The following PXDNL variants were observed in gnomAD, a reference collection of about 807,000 sequenced individuals.
The protein encoded by PXDNL is peroxidasin like.
Under a neutral mutation model 150.8 loss-of-function variants are expected in PXDNL, and 145 were observed. The observed-to-expected ratio is 0.96, with a 90% CI of 0.84 to 1.10. The LOEUF is 1.10. Among genes scored for constraint, PXDNL ranks in the 50% least tolerant of loss-of-function variants. The pLI is 0.00. For synonymous variants in PXDNL, 757 were observed against 725.7 expected (o/e 1.04, Z -0.69); for missense variants, 2,087 against 1,873.9 (o/e 1.11, Z -2.10).
chr8:51,479,991 A>G, intron 6 of PXDNL, among the ~76,000 whole-genome samples: 1 of 152,206 alleles, frequency 6.6e-6, no homozygotes, highest in East Asian at 1.9e-4. Context: ...AGAATTACCA[A>G]GAAAGAAGGA....
Position 51,402,103 on chromosome 8 carries a change from G to A in PXDNL, c.3557+5964C>T, listed in dbSNP as rs186954848. 3.1e-4 allele frequency among the ~76,000 whole-genome samples: 47 copies of A among 152,324 alleles called. No homozygotes were observed. In the East Asian group the frequency reaches 8.1e-3, roughly 26 times the overall value. On this transcript the variant is annotated intron_variant, in intron 17 of 22. Coordinates refer to ENST00000356297, the MANE Select transcript of PXDNL (RefSeq NM_144651.5). ...CGGTTTGATCTCCTGAAACCCAAGA[G>A]TAGAAAGAGGAAAGAAATTAAGAAT...
chr8:51,682,951 G>C (rs4873200), intron 1 of PXDNL, among the ~76,000 whole-genome samples: 127,434 of 151,494 alleles, frequency 0.84, 53,890 homozygotes, highest in African/African-American at 0.93. Context: ...ATTAAGGAAC[G>C]ACCAGAGCGC....
Position 51,409,329 on chromosome 8 carries a change from G to C in PXDNL, c.2295C>G (p.Arg765=). 2 of 1,443,918 alleles carry C rather than the reference G, an allele frequency of 1.4e-6. No individual in the cohort carries two copies. The highest frequency in any genetic ancestry group is 1.8e-6 in the Non-Finnish European group (2 of 1,104,654). The allele number at this position is 1,443,918 out of a possible 1,614,324, so 89.4% of individuals were successfully genotyped here. A position where few individuals can be genotyped will look rare whatever the true frequency, so the allele number is the denominator to read the frequency against. Residue 765 remains arginine, a synonymous_variant, in exon 17 of 23, where the codon CGC becomes CGG. Coordinates refer to ENST00000356297, the MANE Select transcript of PXDNL (RefSeq NM_144651.5). ...GGGAGCCCACAGGAAGGCCGAGCCC[G>C]CGGGGCGCGCGGATGCCGTCCCGGT... is the stretch of plus-strand genomic sequence containing the variant. ...PAYRDGIRAP[R]GLGLPVGSRQ... is the part of the protein sequence containing the mutation.
chr8:51,579,390 C>T (rs559469359), intron 3 of PXDNL, among the ~76,000 whole-genome samples: 1 of 152,058 alleles, frequency 6.6e-6, no homozygotes, highest in Admixed American at 6.6e-5. Context: ...ACTAGAACTG[C>T]AATGAGATAT....
At chr8:51,693,907 G>A (rs1220371290) in intron 1 of PXDNL, among the ~76,000 whole-genome samples, 1 of 152,202 alleles carries the variant, frequency 6.6e-6, no homozygotes, top group African/African-American at 2.4e-5. Context: ...AGCATATGTT[G>A]TTTTGAGGAA....
At chr8:51,764,965 C>G (rs1053492572) in intron 1 of PXDNL, among the ~76,000 whole-genome samples, 1 of 152,014 alleles carries the variant, frequency 6.6e-6, no homozygotes, top group Non-Finnish European at 1.5e-5. Flanking sequence ...TGTTTTGGGG[C>G]TCTGTTATTG....
intron 4 of PXDNL, among the ~76,000 whole-genome samples, chr8:51,539,021 T>G (rs1422225703): frequency 6.6e-6 from 1 of 152,208 alleles, no homozygotes; most frequent in Non-Finnish European, 1.5e-5. Flanking sequence ...GTTGAAATCG[T>G]GTAAGCAGAC....
At chr8:51,602,815 G>A (rs561681465) in intron 2 of PXDNL, among the ~76,000 whole-genome samples, 6 of 150,828 alleles carry the variant, frequency 4.0e-5, no homozygotes, top group Non-Finnish European at 5.9e-5. Flanking sequence ...TCTACTTTTA[G>A]CTTTCTTTAT....
intron 1 of PXDNL, among the ~76,000 whole-genome samples, chr8:51,744,603 G>A (rs910004211): frequency 8.1e-5 from 11 of 135,210 alleles, no homozygotes; most frequent in African/African-American, 2.9e-4. Context: ...ATGAACCTGG[G>A]AGGTGGAGCT....
At chr8:51,343,369 C>T (rs951091573) in intron 20 of PXDNL, among the ~76,000 whole-genome samples, 2 of 152,144 alleles carry the variant, frequency 1.3e-5, no homozygotes, top group African/African-American at 4.8e-5. Context: ...ATTACTAAAG[C>T]GTGTGTTGTT....
intron 17 of PXDNL, among the ~76,000 whole-genome samples, chr8:51,394,676 G>A (rs562323866): frequency 8.5e-5 from 13 of 152,086 alleles, no homozygotes; most frequent in Admixed American, 1.3e-4. Flanking sequence ...TAAGAACAAC[G>A]GCCAGCCTGC....
intron 2 of PXDNL, among the ~76,000 whole-genome samples, chr8:51,599,114 G>A (rs1175466591): frequency 6.6e-6 from 1 of 151,946 alleles, no homozygotes; most frequent in Non-Finnish European, 1.5e-5. Context: ...TGCTAATTTG[G>A]ATCTTCTCTT....
intron 2 of PXDNL, among the ~76,000 whole-genome samples, chr8:51,627,461 C>G (rs1326683788): frequency 6.6e-6 from 1 of 152,108 alleles, no homozygotes; most frequent in Non-Finnish European, 1.5e-5. Flanking sequence ...TTATGCACTA[C>G]TAGACAATAT....
At chr8:51,438,756 C>G (rs1368376100) in intron 12 of PXDNL, among the ~76,000 whole-genome samples, 1 of 152,068 alleles carries the variant, frequency 6.6e-6, no homozygotes, top group Non-Finnish European at 1.5e-5. Flanking sequence ...ATAGAGAACC[C>G]AGAAATTAAG....
At chr8:51,482,666 G>A (rs575292039) in intron 6 of PXDNL, among the ~76,000 whole-genome samples, 1 of 152,282 alleles carries the variant, frequency 6.6e-6, no homozygotes, top group South Asian at 2.1e-4. Flanking sequence ...TCATGGTAGT[G>A]AATAAGTCTC....
At chr8:51,464,639 G>T (rs1384681251) in intron 8 of PXDNL, among the ~76,000 whole-genome samples, 1 of 152,054 alleles carries the variant, frequency 6.6e-6, no homozygotes, top group Non-Finnish European at 1.5e-5. Flanking sequence ...CCAGGAAGAA[G>T]CTGAAACCCT....
intron 3 of PXDNL, among the ~76,000 whole-genome samples, chr8:51,587,146 C>T (rs927453636): frequency 1.3e-5 from 2 of 152,056 alleles, no homozygotes; most frequent in South Asian, 2.1e-4. Flanking sequence ...CAAGATGTTT[C>T]TGAATAAATA....
At chr8:51,342,405 GA>G (rs1000809482) in intron 20 of PXDNL, among the ~76,000 whole-genome samples, 1 of 151,560 alleles carries the variant, frequency 6.6e-6, no homozygotes, top group Admixed American at 6.6e-5. Flanking sequence ...TGTTATTTTA[GA>G]AAAAAATTGT....
chr8:51,436,300 G>A (rs1809406859), intron 12 of PXDNL: 1 of 482,122 alleles, frequency 2.1e-6, no homozygotes, highest in African/African-American at 2.0e-5. Flanking sequence ...TGTAGAAATA[G>A]GACCTTGTTT....
Sources: gnomAD v4.1 joint callset for allele counts (sites outside exome capture counted in the v4.1 genomes callset) on GRCh38, gnomAD v4.1.1 for gene constraint, MANE v1.5 for transcripts, NCBI Gene and HGNC (gene_info 2026-07-23, HGNC 2026-07-21) for gene names.